Variants in CREB5 observed in about 807,000 individuals in gnomAD.
CREB5 encodes the protein cAMP responsive element binding protein 5.
CREB5 carries 19 observed loss-of-function variants against 57.1 expected under a neutral mutation model. That is an observed-to-expected ratio of 0.33 (90% confidence interval 0.23 to 0.49). The LOEUF (loss-of-function observed/expected upper bound fraction) is 0.49, where lower values mean the gene tolerates loss of function less well. Among genes scored for constraint, CREB5 ranks in the 20% least tolerant of loss-of-function variants. CREB5 has a pLI of 0.99. For missense variants in CREB5, 579 were observed against 671.6 expected, an observed-to-expected ratio of 0.86 and a Z score of 1.52; for synonymous variants, 238 against 238.3, an observed-to-expected ratio of 1.00 and a Z score of 0.01.
At chr7:28,729,035 C>T (rs890968756) in intron 7 of CREB5, among the ~76,000 whole-genome samples, 4 of 152,054 alleles carry the variant, frequency 2.6e-5, no homozygotes, top group Non-Finnish European at 5.9e-5. Flanking sequence ...ACTGGTCATG[C>T]TGTATTTTGA....
intron 1 of CREB5, among the ~76,000 whole-genome samples, chr7:28,463,932 T>G (rs556664480): frequency 1.3e-5 from 2 of 152,318 alleles, no homozygotes; most frequent in African/African-American, 4.8e-5. Context: ...CTTGCTTAAT[T>G]GCCATGGCTA....
At chr7:28,807,982 C>T (rs1360653816) in intron 8 of CREB5, among the ~76,000 whole-genome samples, 1 of 152,150 alleles carries the variant, frequency 6.6e-6, no homozygotes, top group East Asian at 1.9e-4. Context: ...GTTGCTGAGT[C>T]CCACACAGAC....
chr7:28,305,718 C>CT (rs112359198), intron 1 of CREB5, among the ~76,000 whole-genome samples: 5,922 of 137,708 alleles, frequency 0.043, 282 homozygotes, highest in African/African-American at 0.12. Context: ...TTTTTCTTTT[C>CT]TTTTTTTTTT....
intron 1 of CREB5, chr7:28,435,823 G>T (rs1788937476): frequency 1.1e-5 from 3 of 269,280 alleles, no homozygotes; most frequent in Non-Finnish European, 1.7e-5. Context: ...TCTTGGCTGA[G>T]AGCTGGAAGA....
At chr7:28,657,717 GAAAAAAAAAAA>G (rs59307921) in intron 5 of CREB5, among the ~76,000 whole-genome samples, 1 of 54,028 alleles carries the variant, frequency 1.9e-5, no homozygotes, top group African/African-American at 6.8e-5. Context: ...ACTCTCTCTC[GAAAAAAAAAAA>G]AAAAAAAAAA....
At chr7:28,349,374 A>T (rs1235340280) in intron 1 of CREB5, among the ~76,000 whole-genome samples, 1 of 151,900 alleles carries the variant, frequency 6.6e-6, no homozygotes, top group Non-Finnish European at 1.5e-5. Context: ...TTTCAAGTCA[A>T]ATTAGCCATA....
intron 7 of CREB5, among the ~76,000 whole-genome samples, chr7:28,789,077 A>G (rs1807505776): frequency 6.6e-6 from 1 of 152,170 alleles, no homozygotes; most frequent in South Asian, 2.1e-4. Context: ...CTGAAGAGTA[A>G]GACTTTAAGT....
chr7:28,454,705 A>G (rs981857630), intron 1 of CREB5, among the ~76,000 whole-genome samples: 1 of 152,216 alleles, frequency 6.6e-6, no homozygotes, highest in African/African-American at 2.4e-5. Context: ...CCAGGGCCCC[A>G]GATCCAACTG....
intron 4 of CREB5, among the ~76,000 whole-genome samples, chr7:28,538,223 T>C (rs1794052697): frequency 6.6e-6 from 1 of 152,008 alleles, no homozygotes; most frequent in Non-Finnish European, 1.5e-5. Flanking sequence ...CCAGCTAATT[T>C]TTATGTTTTT....
intron 1 of CREB5, among the ~76,000 whole-genome samples, chr7:28,350,103 A>G (rs1786158058): frequency 6.6e-6 from 1 of 152,362 alleles, no homozygotes; most frequent in African/African-American, 2.4e-5. Flanking sequence ...GGGATGCAGG[A>G]CAAAGTGTTT....
Position 28,448,128 on chromosome 7 carries a change from A to C in CREB5, c.3+35211A>C, listed in dbSNP as rs146399375. Among the ~76,000 whole-genome samples the C allele has an allele frequency of 3.5e-3, 537 of 152,278 alleles. 7 individuals are homozygous for C. Among genetic ancestry groups the C allele is most frequent in the African/African-American group, 0.012 (519 of 41,546 alleles). Reference sequence around the variant, plus strand: ...AATATAAAGCAGGCAGAAAAACGTGAAAAGGAGAGACTGGCCTAGCCTCCC... The same window carrying C: ...AATATAAAGCAGGCAGAAAAACGTGCAAAGGAGAGACTGGCCTAGCCTCCC... On this transcript the variant is annotated intron_variant, in intron 1 of 10. Transcript: ENST00000357727.
intron 4 of CREB5, among the ~76,000 whole-genome samples, chr7:28,565,045 A>C (rs967074174): frequency 2.0e-5 from 3 of 152,228 alleles, no homozygotes; most frequent in African/African-American, 7.2e-5. Context: ...TCTAGGTTAC[A>C]TGGCTACAAG....
intron 4 of CREB5, among the ~76,000 whole-genome samples, chr7:28,560,977 T>TGC (rs1554344547): frequency 0.1 from 4,885 of 48,852 alleles, 1,377 homozygotes; most frequent in Admixed American, 0.15. Flanking sequence ...TGTGTGCGTG[T>TGC]GTGCGTGCGT....
At chr7:28,422,837 C>T (rs1321848215) in intron 1 of CREB5, among the ~76,000 whole-genome samples, 1 of 152,066 alleles carries the variant, frequency 6.6e-6, no homozygotes, top group Non-Finnish European at 1.5e-5. Context: ...GCCTGTTTGC[C>T]CAATAGCCCA....
At chr7:28,692,073 C>T (rs1271009152) in intron 5 of CREB5, among the ~76,000 whole-genome samples, 1 of 151,062 alleles carries the variant, frequency 6.6e-6, no homozygotes, top group Non-Finnish European at 1.5e-5. Flanking sequence ...GTAGTCCCAG[C>T]TACTTAGGAG....
At chr7:28,437,942 G>T (rs2128559139) in intron 1 of CREB5, among the ~76,000 whole-genome samples, 2 of 152,236 alleles carry the variant, frequency 1.3e-5, no homozygotes, top group Middle Eastern at 6.8e-3. Flanking sequence ...TTCGGGCTCA[G>T]GGTGAATTTA....
chr7:28,471,322 A>G (rs1218311514), intron 1 of CREB5, among the ~76,000 whole-genome samples: 1 of 152,122 alleles, frequency 6.6e-6, no homozygotes, highest in African/African-American at 2.4e-5. Context: ...CCCTTTATTG[A>G]AGACACTGTT....
chr7:28,423,412 G>A (rs1251676593), intron 1 of CREB5, among the ~76,000 whole-genome samples: 1 of 152,158 alleles, frequency 6.6e-6, no homozygotes, highest in Non-Finnish European at 1.5e-5. Context: ...GGAGGGTGAG[G>A]GGGTGCAAGC....
intron 5 of CREB5, among the ~76,000 whole-genome samples, chr7:28,704,411 C>A (rs1802006136): frequency 1.3e-5 from 2 of 152,124 alleles, no homozygotes; most frequent in African/African-American, 4.8e-5. Context: ...ATGTGTCCAC[C>A]TTTGAGGAAA....
Sources: gnomAD v4.1 joint callset for allele counts (sites outside exome capture counted in the v4.1 genomes callset) on GRCh38, gnomAD v4.1.1 for gene constraint, MANE v1.5 for transcripts, NCBI Gene and HGNC (gene_info 2026-07-23, HGNC 2026-07-21) for gene names.